The following CSMD1 variants were observed in gnomAD, a reference collection of about 807,000 sequenced individuals.
CSMD1 encodes CUB and sushi domain-containing protein 1.
CSMD1 carries 213 observed loss-of-function variants against 417.5 expected under a neutral mutation model. That is an observed-to-expected ratio of 0.51 (90% CI 0.46 to 0.57). The LOEUF (loss-of-function observed/expected upper bound fraction) is 0.57, where lower values mean the gene tolerates loss of function less well. Ranked by LOEUF, CSMD1 falls within the 20% of genes least tolerant of loss-of-function variation. CSMD1 has a pLI of 0.00. For synonymous variants in CSMD1, 2,862 were observed against 1,736.8 expected (o/e 1.65, Z -16.11); for missense variants, 6,923 against 4,529.7 (o/e 1.53, Z -15.17).
At chr8:3,750,594 T>C (rs769467142) in intron 6 of CSMD1, among the ~76,000 whole-genome samples, 3 of 152,170 alleles carry the variant, frequency 2.0e-5, no homozygotes, top group African/African-American at 4.8e-5. Context: ...ACAATACAAT[T>C]TGGGCTTCAT....
At chr8:4,510,139 G>A (rs974152129) in intron 2 of CSMD1, among the ~76,000 whole-genome samples, 6 of 151,882 alleles carry the variant, frequency 4.0e-5, no homozygotes, top group East Asian at 1.9e-4. Flanking sequence ...TCCTTCACAC[G>A]CTCCCTTTGC....
intron 10 of CSMD1, among the ~76,000 whole-genome samples, chr8:3,514,293 T>C (rs1797198025): frequency 6.6e-6 from 1 of 152,188 alleles, no homozygotes; most frequent in Non-Finnish European, 1.5e-5. Flanking sequence ...AGAGACGTCC[T>C]CAGTGCATTG....
chr8:4,178,199 G>A lies in CSMD1; in HGVS notation c.416-146100C>T, dbSNP rs139498938. Among the ~76,000 whole-genome samples the A allele has an allele frequency of 5.1e-4, 78 of 152,238 alleles. No homozygotes were observed. In the Middle Eastern group the frequency reaches 0.014, roughly 27 times the overall value. Reference sequence around the variant, plus strand: ...ACCCTCAATACGATACTGGCAGACCGAATCCAGCAGCACATCAAAAAGCTA... The same window carrying A: ...ACCCTCAATACGATACTGGCAGACCAAATCCAGCAGCACATCAAAAAGCTA... On this transcript the variant is annotated intron_variant, in intron 3 of 69. Transcript: ENST00000635120.
intron 35 of CSMD1, 43 bp downstream of exon 35, chr8:3,188,844 C>A: frequency 1.4e-6 from 2 of 1,436,750 alleles, no homozygotes; most frequent in South Asian, 1.6e-5. Flanking sequence ...GCCCATGGAC[C>A]CCAGCTGAGC....
chr8:4,561,248 C>T (rs545793456), intron 2 of CSMD1, among the ~76,000 whole-genome samples: 2 of 152,252 alleles, frequency 1.3e-5, no homozygotes, highest in South Asian at 2.1e-4. Context: ...GTAGTGTGTG[C>T]CTGTAATCCC....
chr8:4,818,796 A>G (rs1216288889), intron 1 of CSMD1, among the ~76,000 whole-genome samples: 1 of 152,208 alleles, frequency 6.6e-6, no homozygotes, highest in Non-Finnish European at 1.5e-5. Context: ...AAACAAAAGT[A>G]TTTTCATTTC....
intron 1 of CSMD1, among the ~76,000 whole-genome samples, chr8:4,755,656 C>T (rs1811621544): frequency 6.6e-6 from 1 of 152,174 alleles, no homozygotes; most frequent in Non-Finnish European, 1.5e-5. Context: ...ACACATCTGT[C>T]AATGGCATTA....
At chr8:4,192,335 A>G (rs1484194878) in intron 3 of CSMD1, among the ~76,000 whole-genome samples, 4 of 152,264 alleles carry the variant, frequency 2.6e-5, no homozygotes, top group South Asian at 2.1e-4. Flanking sequence ...CTTCAGGAGG[A>G]GCTATAATCA....
chr8:3,774,556 T>G (rs62479703), intron 5 of CSMD1, among the ~76,000 whole-genome samples: 9,424 of 152,256 alleles, frequency 0.062, 384 homozygotes, highest in Non-Finnish European at 0.09. Flanking sequence ...CCCTCCTTAG[T>G]GGACAGAACG....
intron 10 of CSMD1, among the ~76,000 whole-genome samples, chr8:3,526,820 A>G (rs1049633451): frequency 6.6e-6 from 1 of 152,178 alleles, no homozygotes; most frequent in Non-Finnish European, 1.5e-5. Context: ...GTATGTAACA[A>G]CCTGTATTCT....
At chr8:4,420,995 A>C (rs191611073) in intron 2 of CSMD1, among the ~76,000 whole-genome samples, 12 of 152,244 alleles carry the variant, frequency 7.9e-5, no homozygotes, top group African/African-American at 2.9e-4. Context: ...TCATCTTTGT[A>C]AACTGCAGTA....
At chr8:3,075,780 G>A (rs1436771166) in intron 49 of CSMD1, among the ~76,000 whole-genome samples, 1 of 151,672 alleles carries the variant, frequency 6.6e-6, no homozygotes, top group South Asian at 2.1e-4. Flanking sequence ...GGTGGCTCAT[G>A]CCTGTAATCT....
chr8:3,646,451 G>T (rs1292016185), intron 7 of CSMD1, among the ~76,000 whole-genome samples: 1 of 152,050 alleles, frequency 6.6e-6, no homozygotes, highest in East Asian at 1.9e-4. Context: ...TTGTAAATAA[G>T]GGAAAATCGC....
rs571234434 is a variant in CSMD1 at position 3,089,066 on chromosome 8, G to T, written c.7286-1781C>A. Among the ~76,000 whole-genome samples the T allele has an allele frequency of 1.9e-4, 29 of 152,228 alleles. No homozygotes were observed. The South Asian group carries it at 5.6e-3, about 29-fold the overall frequency. ...TCCTAACTCACTTAGGATAAGACAT[G>T]AAGGGCCCTACAGGGGAAACCATAG... On this transcript the variant is annotated intron_variant, in intron 48 of 69. Transcript: ENST00000635120.
intron 1 of CSMD1, among the ~76,000 whole-genome samples, chr8:4,958,752 A>C (rs1809285453): frequency 6.6e-6 from 1 of 151,228 alleles, no homozygotes; most frequent in South Asian, 2.1e-4. Flanking sequence ...GTCATCAGTA[A>C]TTTCCCCCTG....
chr8:4,477,340 G>T (rs1425042197), intron 2 of CSMD1, among the ~76,000 whole-genome samples: 1 of 152,174 alleles, frequency 6.6e-6, no homozygotes, highest in Non-Finnish European at 1.5e-5. Flanking sequence ...AAGGAGTTAG[G>T]CTGTCATGGC....
At chr8:3,598,733 G>T (rs1801212020) in intron 8 of CSMD1, among the ~76,000 whole-genome samples, 2 of 152,170 alleles carry the variant, frequency 1.3e-5, no homozygotes. Context: ...TCCAGGTAGT[G>T]ATTTGTAATT....
At position 4,115,873 on chromosome 8, in the gene CSMD1, C is replaced by G. The variant is rs868713218; in HGVS notation, c.416-83774G>C. ...GCATGATCCCCAATCATATGACATT[C>G]TGGGAAAACAGGAAGACAGAAGAAA... On this transcript the variant is annotated intron_variant, in intron 3 of 69. Coordinates refer to ENST00000635120, the MANE Select transcript of CSMD1 (RefSeq NM_033225.6). 2.6e-4 allele frequency among the ~76,000 whole-genome samples: 39 copies of G among 152,158 alleles called. 1 individual carries two copies. In the Middle Eastern group the frequency reaches 0.01, roughly 40 times the overall value.
chr8:4,451,914 C>G (rs1212998154), intron 2 of CSMD1, among the ~76,000 whole-genome samples: 2 of 149,844 alleles, frequency 1.3e-5, no homozygotes, highest in Non-Finnish European at 3.0e-5. Flanking sequence ...ATGATACCTG[C>G]CCAGAGATGT....
Sources: allele counts gnomAD v4.1 joint callset (sites outside exome capture counted in the v4.1 genomes callset), GRCh38; gene constraint gnomAD v4.1.1; transcripts MANE v1.5; gene names NCBI Gene and HGNC (gene_info 2026-07-23, HGNC 2026-07-21).